Variants in USP24 observed in about 807,000 individuals in gnomAD.
The protein encoded by USP24 is ubiquitin specific peptidase 24.
A neutral mutation model predicts 361.6 loss-of-function variants in USP24; 97 were observed. That is an observed-to-expected ratio of 0.27 (90% CI 0.23 to 0.32). The LOEUF (loss-of-function observed/expected upper bound fraction) is 0.32, where lower values mean the gene tolerates loss of function less well. Ranked by LOEUF, USP24 falls within the 10% of genes least tolerant of loss-of-function variation. The pLI, the probability that USP24 is intolerant of heterozygous loss-of-function variation, is 1.00. For synonymous variants in USP24, 1,098 were observed against 1,124.6 expected (o/e 0.98, Z 0.47); for missense variants, 2,353 against 3,165.6 (o/e 0.74, Z 6.16).
intron 38 of USP24, among the ~76,000 whole-genome samples, chr1:55,116,934 A>G (rs902837671): frequency 6.6e-6 from 1 of 152,236 alleles, no homozygotes; most frequent in African/African-American, 2.4e-5. Flanking sequence ...TGCTAATGCA[A>G]AAATCTTCAA....
At chr1:55,170,327 G>A (rs904934747) in intron 5 of USP24, among the ~76,000 whole-genome samples, 2 of 152,132 alleles carry the variant, frequency 1.3e-5, no homozygotes, top group African/African-American at 4.8e-5. Flanking sequence ...CTGGGTCTCA[G>A]TGGATGCATA....
intron 66 of USP24, among the ~76,000 whole-genome samples, 188 bp from the exon 67 acceptor site, chr1:55,072,112 G>A (rs1287595720): frequency 1.3e-5 from 2 of 152,046 alleles, no homozygotes; most frequent in African/African-American, 4.8e-5. Context: ...CAACCTGTAT[G>A]ACTTTCCTTC....
chr1:55,164,970 T>C (rs1003971791), intron 7 of USP24, among the ~76,000 whole-genome samples: 17 of 152,186 alleles, frequency 1.1e-4, no homozygotes, highest in Non-Finnish European at 7.4e-5. Context: ...GGGAAGCAAG[T>C]GGAGGCTTCT....
chr1:55,110,169 T>C lies in USP24; in HGVS notation c.4570+16A>G. 1 of 1,542,552 alleles carries C rather than the reference T, an allele frequency of 6.5e-7. No individual in the cohort carries two copies. Among genetic ancestry groups the C allele is most frequent in the Non-Finnish European group, 8.8e-7 (1 of 1,141,530 alleles). On this transcript the variant is annotated intron_variant, in intron 39 of 67. Coordinates refer to ENST00000294383, the MANE Select transcript of USP24 (RefSeq NM_015306.3). ...TTCCCCAGCCCCTCTCCCCTACATA[T>C]TAGTCATTTACTTACTTGTCAGATC...
intron 10 of USP24, among the ~76,000 whole-genome samples, chr1:55,158,355 C>T (rs1375259609): frequency 6.6e-6 from 1 of 152,084 alleles, no homozygotes. Flanking sequence ...AATACAAAAC[C>T]GAAGGAAAAA....
chr1:55,177,723 A>G (rs1012371370), intron 2 of USP24, among the ~76,000 whole-genome samples: 5 of 152,226 alleles, frequency 3.3e-5, no homozygotes, highest in Non-Finnish European at 7.3e-5. Context: ...GCTTCTGTGG[A>G]AAAAGTTAAT....
At chr1:55,099,532 T>C (rs1645578488) in intron 45 of USP24, among the ~76,000 whole-genome samples, 1 of 151,950 alleles carries the variant, frequency 6.6e-6, no homozygotes, top group Non-Finnish European at 1.5e-5. Flanking sequence ...CACTCCACTC[T>C]GGGTGACAGA....
chr1:55,154,037 AG>A (rs1461865853), intron 15 of USP24, 81 bp downstream of exon 15: 2 of 1,593,106 alleles, frequency 1.3e-6, no homozygotes, highest in African/African-American at 2.7e-5. Flanking sequence ...TTTACATAAC[AG>A]GGGAGGAAAA....
intron 65 of USP24, 28 bp downstream of exon 65, chr1:55,072,758 C>T (rs111966610): frequency 2.6e-6 from 4 of 1,565,830 alleles, no homozygotes; most frequent in African/African-American, 1.4e-5. Context: ...TCCTATGTTA[C>T]AGCTAGAAAA....
chr1:55,193,969 A>G (rs919098083), intron 1 of USP24, among the ~76,000 whole-genome samples: 1 of 152,192 alleles, frequency 6.6e-6, no homozygotes, highest in Non-Finnish European at 1.5e-5. Context: ...AGCATACTTG[A>G]AAGTATTCCA....
intron 59 of USP24, among the ~76,000 whole-genome samples, chr1:55,080,226 T>C (rs1440511664): frequency 6.6e-6 from 1 of 152,198 alleles, no homozygotes. Context: ...TACAAAATTG[T>C]CTGAACTCAC....
chr1:55,107,799 G>A (rs987320185), intron 39 of USP24, among the ~76,000 whole-genome samples: 3 of 116,804 alleles, frequency 2.6e-5, no homozygotes, highest in Admixed American at 1.3e-4. Flanking sequence ...CTGAGATCAC[G>A]CCACTGTACT....
At chr1:55,094,591 C>A (rs974226552) in intron 51 of USP24, among the ~76,000 whole-genome samples, 1 of 149,950 alleles carries the variant, frequency 6.7e-6, no homozygotes, top group Non-Finnish European at 1.5e-5. Flanking sequence ...TATTAAAAGG[C>A]AAATTCACTG....
intron 38 of USP24, among the ~76,000 whole-genome samples, chr1:55,114,953 C>G (rs1431360820): frequency 1.3e-5 from 2 of 152,218 alleles, no homozygotes; most frequent in East Asian, 1.9e-4. Flanking sequence ...TCAGAGTGAA[C>G]AGGCAACCTA....
intron 67 of USP24, chr1:55,071,540 C>G (rs1041318167): frequency 8.0e-6 from 10 of 1,251,498 alleles, no homozygotes; most frequent in Non-Finnish European, 1.0e-5. Context: ...CCCCTGTGCC[C>G]TGGCTTCATC....
chr1:55,125,283 G>A lies in USP24; in HGVS notation c.3960+37C>T, dbSNP rs752320756. 5 of 1,586,122 alleles carry A rather than the reference G, an allele frequency of 3.2e-6. No homozygotes were observed. The South Asian group carries it at 3.3e-5, about 11-fold the overall frequency. On this transcript the variant is annotated intron_variant, in intron 34 of 67. Transcript: ENST00000294383. ...TTCCTAAACAGGACATTCTGAATAAGAGGGACTAAAATGTCTTGAATACAC... is the reference window on the plus strand; with the variant it reads ...TTCCTAAACAGGACATTCTGAATAAAAGGGACTAAAATGTCTTGAATACAC...
At chr1:55,121,839 G>C (rs569625493) in intron 36 of USP24, among the ~76,000 whole-genome samples, 4 of 152,244 alleles carry the variant, frequency 2.6e-5, no homozygotes, top group African/African-American at 9.6e-5. Flanking sequence ...AATGATAACA[G>C]ATAAAAGCTT....
chr1:55,146,832 T>C (rs1647041637), intron 19 of USP24, 97 bp downstream of exon 19: 4 of 1,469,628 alleles, frequency 2.7e-6, no homozygotes, highest in Non-Finnish European at 2.8e-6. Context: ...TTTATGCTTA[T>C]ATAAACTGAA....
rs367835612 is a variant in USP24 at position 55,095,287 on chromosome 1, G to C, written c.6171C>G (p.Ser2057Arg). ...GATCCTCAGCTTCCTGCCGTACAAC[G>C]CTGACTCGACTTTTCTTTGGTAATA... ...SPVLPKKSRVSVVRQEAEDLS... is the reference protein window; with the variant it reads ...SPVLPKKSRVRVVRQEAEDLS... The change falls in exon 51 of 68, where the codon AGC becomes AGG. Residue 2057 changes from serine to arginine, a missense_variant. Transcript: ENST00000294383. 1 of 1,613,542 alleles carries C rather than the reference G, an allele frequency of 6.2e-7. No homozygotes were observed. The highest frequency in any genetic ancestry group is 2.2e-5 in the East Asian group (1 of 44,860).
Sources: allele counts gnomAD v4.1 joint callset (sites outside exome capture counted in the v4.1 genomes callset), GRCh38; gene constraint gnomAD v4.1.1; transcripts MANE v1.5; gene names NCBI Gene and HGNC (gene_info 2026-07-23, HGNC 2026-07-21).